The following WDR33 variants were observed in gnomAD, a reference collection of about 807,000 sequenced individuals.
WDR33 encodes pre-mRNA 3' end processing protein WDR33.
Under a neutral mutation model 164.9 loss-of-function variants are expected in WDR33, and 47 were observed. The observed-to-expected ratio is 0.29, with a 90% CI of 0.23 to 0.36. The LOEUF (loss-of-function observed/expected upper bound fraction) is 0.36. WDR33 is among the 10% of genes least tolerant of loss of function. The pLI, the probability that WDR33 is intolerant of heterozygous loss-of-function variation, is 1.00. For synonymous variants in WDR33, 505 were observed against 589.0 expected (o/e 0.86, Z 2.06); for missense variants, 1,137 against 1,754.1 (o/e 0.65, Z 6.28).
intron 1 of WDR33, among the ~76,000 whole-genome samples, chr2:127,773,428 G>A (rs1036421030): frequency 3.3e-5 from 5 of 152,134 alleles, no homozygotes; most frequent in Non-Finnish European, 5.9e-5. Context: ...ACAAGGAGGA[G>A]GAGGGGTGGA....
At chr2:127,711,768 A>G (rs866761383) in intron 18 of WDR33, among the ~76,000 whole-genome samples, 1 of 70,268 alleles carries the variant, frequency 1.4e-5, no homozygotes. Context: ...ATATATATAT[A>G]TATATATATA....
At position 127,791,004 on chromosome 2, in the gene WDR33, A is replaced by G. The variant is rs1420205111; in HGVS notation, c.-23-20000T>C. ...ATTGTTCACTTGGGCCCCCTCCTTA[A>G]CCTCTCCCCATCTCTCTCAACAGTC... On this transcript the variant is annotated intron_variant, in intron 1 of 21. Transcript: ENST00000322313. Among the ~76,000 whole-genome samples, 3 of 151,068 alleles carry G rather than the reference A, an allele frequency of 2.0e-5. No individual in the cohort carries two copies. The Admixed American group carries it at 2.0e-4, about 10-fold the overall frequency.
At chr2:127,810,832 C>G (rs529418649) in intron 1 of WDR33, 180 bp downstream of exon 1, 24 of 152,866 alleles carry the variant, frequency 1.6e-4, no homozygotes, top group African/African-American at 5.8e-4. Flanking sequence ...CCTCCAGCCC[C>G]CTCCCATAAG....
intron 1 of WDR33, among the ~76,000 whole-genome samples, chr2:127,791,229 CCTCACTGCAGCCTCAAA>C (rs1320299252): frequency 3.0e-5 from 4 of 135,532 alleles, no homozygotes; most frequent in African/African-American, 5.5e-5. Context: ...CACAATCATA[CCTCACTGCAGCCTCAAA>C]CTCCTGGGCT....
intron 1 of WDR33, among the ~76,000 whole-genome samples, chr2:127,800,945 T>C (rs182847206): frequency 2.3e-4 from 35 of 151,794 alleles, no homozygotes; most frequent in Admixed American, 1.8e-3. Context: ...ATAGCTGTAG[T>C]GATGGAATAT....
At chr2:127,750,695 T>C (rs1446596048) in intron 7 of WDR33, among the ~76,000 whole-genome samples, 1 of 55,474 alleles carries the variant, frequency 1.8e-5, no homozygotes, top group African/African-American at 9.8e-5. Context: ...TATATATATA[T>C]ATATATATAT....
Position 127,702,062 on chromosome 2 carries a change from C to G in WDR33, c.*4261G>C. On this transcript the variant is annotated 3_prime_UTR_variant, in exon 22 of 22. Coordinates refer to ENST00000322313, the MANE Select transcript of WDR33 (RefSeq NM_018383.5). Reference sequence around the variant, plus strand: ...TGCTGGGCGCGGGCGCGCAGGTGGCCGCGCTGCTGGCCGCGCTGGTTGGGC... The same window carrying G: ...TGCTGGGCGCGGGCGCGCAGGTGGCGGCGCTGCTGGCCGCGCTGGTTGGGC... 8.3e-7 allele frequency: 1 copy of G among 1,209,412 alleles called. No individual in the cohort carries two copies. The highest frequency in any genetic ancestry group is 1.0e-6 in the Non-Finnish European group (1 of 972,342). 74.9% of individuals were successfully genotyped at this position (1,209,412 alleles called of 1,614,324 possible).
intron 1 of WDR33, among the ~76,000 whole-genome samples, chr2:127,772,313 C>T (rs1293824019): frequency 1.3e-5 from 2 of 152,048 alleles, no homozygotes; most frequent in Non-Finnish European, 2.9e-5. Flanking sequence ...GTGGCAGTCT[C>T]CTGTAATCCC....
At chr2:127,711,595 C>T (rs1275999410) in intron 18 of WDR33, among the ~76,000 whole-genome samples, 3 of 149,708 alleles carry the variant, frequency 2.0e-5, no homozygotes, top group Non-Finnish European at 4.4e-5. Flanking sequence ...CACTGGGAGC[C>T]CTTACGTCTT....
chr2:127,771,769 C>A (rs1688010649), intron 1 of WDR33, among the ~76,000 whole-genome samples: 1 of 149,968 alleles, frequency 6.7e-6, no homozygotes, highest in Non-Finnish European at 1.5e-5. Context: ...CAGGGAGAGA[C>A]CCTGTTGGAA....
Position 127,706,143 on chromosome 2 carries a change from G to C in WDR33, c.*180C>G, listed in dbSNP as rs1686002818. 7 of 467,364 alleles carry C rather than the reference G, an allele frequency of 1.5e-5. No homozygotes were observed. In the East Asian group the frequency reaches 2.4e-4, roughly 16 times the overall value. The allele number at this position is 467,364 out of a possible 1,614,324, so 29.0% of individuals were successfully genotyped here. A position where few individuals can be genotyped will look rare whatever the true frequency, so the allele number is the denominator to read the frequency against. On this transcript the variant is annotated 3_prime_UTR_variant, in exon 22 of 22. Transcript: ENST00000322313. The surrounding 1 kb of genome is among the most constrained non-coding windows in gnomAD (Gnocchi z 5.1). Reference sequence around the variant, plus strand: ...GGGTGGACAGGACAGGGCCAGCCAGGCTGGTAGCTGGCAGCAGTCTCTTCA... The same window carrying C: ...GGGTGGACAGGACAGGGCCAGCCAGCCTGGTAGCTGGCAGCAGTCTCTTCA...
chr2:127,794,812 C>T (rs186888368), intron 1 of WDR33, among the ~76,000 whole-genome samples: 64 of 128,838 alleles, frequency 5.0e-4, no homozygotes, highest in African/African-American at 1.9e-3. Flanking sequence ...CCAGCCTGGG[C>T]GACAAAGCGA....
Position 127,750,650 on chromosome 2 carries a change from TAAAAAAAAAA to T in WDR33, c.724+12402_724+12411del, listed in dbSNP as rs1174539929. Among the ~76,000 whole-genome samples the T allele has an allele frequency of 5.3e-3, 79 of 14,922 alleles. 1 individual carries two copies. Among genetic ancestry groups the T allele is most frequent in the South Asian group, 0.012 (4 of 342 alleles). The allele number at this position is 14,922 out of a possible 152,430, so 9.8% of individuals were successfully genotyped here. ...GGGCAACAAGAGTGAAACTCCATCT[TAAAAAAAAAA>T]AAAAAAAAAAAAAAAAAATATATAT... On this transcript the variant is annotated intron_variant, in intron 7 of 21. Transcript: ENST00000322313.
At position 127,701,707 on chromosome 2, in the gene WDR33, C is replaced by A. The variant is rs773717301; in HGVS notation, c.*4616G>T. On this transcript the variant is annotated 3_prime_UTR_variant, in exon 22 of 22. Coordinates refer to ENST00000322313, the MANE Select transcript of WDR33 (RefSeq NM_018383.5). ...ACGTGGGCGCGGAGCCCTGCGGAGT[C>A]GGCAGCGGCCGGCCTGACGTGCCTC... 6.0e-6 allele frequency: 8 copies of A among 1,327,134 alleles called. No homozygotes were observed. In the African/African-American group the frequency reaches 1.1e-4, roughly 18 times the overall value. 82.2% of individuals were successfully genotyped at this position (1,327,134 alleles called of 1,614,324 possible). A position where few individuals can be genotyped will look rare whatever the true frequency, so the allele number is the denominator to read the frequency against.
intron 1 of WDR33, among the ~76,000 whole-genome samples, chr2:127,806,695 G>GAA (rs199637095): frequency 7.3e-5 from 10 of 136,586 alleles, no homozygotes; most frequent in African/African-American, 1.6e-4. Context: ...CAACTCATTC[G>GAA]AAAAAAAAAA....
At chr2:127,766,523 C>A (rs1558944662) in intron 4 of WDR33, among the ~76,000 whole-genome samples, 1 of 152,066 alleles carries the variant, frequency 6.6e-6, no homozygotes, top group African/African-American at 2.4e-5. Flanking sequence ...ACCTTAATAC[C>A]TTTTGATTTT....
Position 127,701,686 on chromosome 2 carries a change from G to C in WDR33, c.*4637C>G, listed in dbSNP as rs1327233944. On this transcript the variant is annotated 3_prime_UTR_variant, in exon 22 of 22. Transcript: ENST00000322313. ...GGCCGCGCGGGCTTGCGCTGGACGT[G>C]GGCGCGGAGCCCTGCGGAGTCGGCA... The C allele has an allele frequency of 1.5e-6, 2 of 1,299,376 alleles. No homozygotes were observed. The highest frequency in any genetic ancestry group is 3.1e-5 in the African/African-American group (2 of 64,288). The allele number at this position is 1,299,376 out of a possible 1,614,324, so 80.5% of individuals were successfully genotyped here. A position where few individuals can be genotyped will look rare whatever the true frequency, so the allele number is the denominator to read the frequency against.
chr2:127,702,008 GC>G lies in WDR33; in HGVS notation c.*4314del. The G allele has an allele frequency of 7.6e-7, 1 of 1,309,926 alleles. No homozygotes were observed. Among genetic ancestry groups the G allele is most frequent in the South Asian group, 2.0e-5 (1 of 50,786 alleles). The allele number at this position is 1,309,926 out of a possible 1,614,324, so 81.1% of individuals were successfully genotyped here. A position where few individuals can be genotyped will look rare whatever the true frequency, so the allele number is the denominator to read the frequency against. The stretch of plus-strand genomic sequence containing the variant: ...CGCTGGGCGCCACGCTGTTCGCCGC[GC>G]TGGGCCTTCGCAGCACGCTGCTCAC... On this transcript the variant is annotated 3_prime_UTR_variant, in exon 22 of 22. Transcript: ENST00000322313.
At chr2:127,761,767 G>A (rs1687684595) in intron 7 of WDR33, among the ~76,000 whole-genome samples, 1 of 152,172 alleles carries the variant, frequency 6.6e-6, no homozygotes, top group South Asian at 2.1e-4. Flanking sequence ...TCATCTCAAA[G>A]TCTCTGTCTC....
Sources: allele counts gnomAD v4.1 joint callset (sites outside exome capture counted in the v4.1 genomes callset), GRCh38; gene constraint gnomAD v4.1.1; non-coding constraint Gnocchi (gnomAD v3.1); transcripts MANE v1.5; gene names NCBI Gene and HGNC (gene_info 2026-07-23, HGNC 2026-07-21).